The following KNG1 variants were observed in gnomAD, a reference collection of about 807,000 sequenced individuals.
KNG1 encodes kininogen 1, also known as kininogen-1.
Under a neutral mutation model 47.8 loss-of-function variants are expected in KNG1, and 23 were observed. The ratio of observed to expected loss-of-function variants is 0.48; its 90% CI spans 0.35 to 0.68. The LOEUF is 0.68. Ranked by LOEUF, KNG1 falls within the 30% of genes least tolerant of loss-of-function variation. The pLI is 0.01. For synonymous variants in KNG1, 277 were observed against 277.0 expected, an observed-to-expected ratio of 1.00 and a Z score of 0.00; for missense variants, 762 against 790.2, an observed-to-expected ratio of 0.96 and a Z score of 0.43.
At position 186,744,352 on chromosome 3, in the gene KNG1, T is replaced by A. The variant is rs1390823633; in HGVS notation, c.*2021T>A. The A allele has an allele frequency of 6.5e-6, 1 of 153,776 alleles. No homozygotes were observed. The highest frequency in any genetic ancestry group is 2.4e-5 in the African/African-American group (1 of 41,472). The allele number at this position is 153,776 out of a possible 1,614,324, so 9.5% of individuals were successfully genotyped here. ...TCAACCTCCAAACAATTTGAAATTA[T>A]CTTTCTGATCCAGGTAAAGAAGCAA... On this transcript the variant is annotated 3_prime_UTR_variant, in exon 10 of 10. Coordinates refer to ENST00000644859, the MANE Select transcript of KNG1 (RefSeq NM_001102416.3).
chr3:186,741,052 G>A (rs1431017503), intron 9 of KNG1, among the ~76,000 whole-genome samples: 1 of 151,618 alleles, frequency 6.6e-6, no homozygotes, highest in Admixed American at 6.6e-5. Context: ...GGAGTGCAGT[G>A]GCGCCATCTC....
chr3:186,736,505 A>T (rs5030063), intron 7 of KNG1: 7,969 of 152,196 alleles, frequency 0.052, 301 homozygotes, highest in South Asian at 0.14. Flanking sequence ...CACATTAGTG[A>T]TTACAGTTTC....
rs551857394 is a variant in KNG1 at position 186,725,964 on chromosome 3, G to A, written c.564+704G>A. On this transcript the variant is annotated intron_variant, in intron 4 of 9. Transcript: ENST00000644859. ...GTAATTTTTTTTTTTTGACAGTCTCGCTCTGTTGCCTAGGCTGGAGCAGTG... is the reference window on the plus strand; with the variant it reads ...GTAATTTTTTTTTTTTGACAGTCTCACTCTGTTGCCTAGGCTGGAGCAGTG... Among the ~76,000 whole-genome samples the A allele has an allele frequency of 2.0e-4, 28 of 142,526 alleles. 1 individual carries two copies. The South Asian group carries it at 5.6e-3, about 28-fold the overall frequency. The allele number at this position is 142,526 out of a possible 152,430, so 93.5% of individuals were successfully genotyped here. A position where few individuals can be genotyped will look rare whatever the true frequency, so the allele number is the denominator to read the frequency against.
At chr3:186,738,435 C>T (rs185922928) in intron 7 of KNG1, 2 of 152,344 alleles carry the variant, frequency 1.3e-5, no homozygotes, top group African/African-American at 2.4e-5. Context: ...TATTTAAAAA[C>T]ATTTTAAGTT....
intron 5 of KNG1, among the ~76,000 whole-genome samples, chr3:186,731,164 C>T (rs1477160485): frequency 6.6e-6 from 1 of 152,050 alleles, no homozygotes; most frequent in African/African-American, 2.4e-5. Flanking sequence ...TAGCTTTGTT[C>T]ATCTGTTATT....
chr3:186,725,543 A>ATGTTTTTTTTTTTTTTTTTTT (rs1720336708), intron 4 of KNG1, among the ~76,000 whole-genome samples: 1 of 87,726 alleles, frequency 1.1e-5, no homozygotes, highest in African/African-American at 4.7e-5. Context: ...CGGCCTTAGG[A>ATGTTTTTTTTTTTTTTTTTTT]TTTTTTTTTT....
intron 9 of KNG1, among the ~76,000 whole-genome samples, 193 bp downstream of exon 9, chr3:186,739,607 C>T (rs2108636223): frequency 6.6e-6 from 1 of 152,344 alleles, no homozygotes; most frequent in Admixed American, 6.5e-5. Flanking sequence ...CTGATCACTT[C>T]TCACACATTG....
rs543868086 is a variant in KNG1, at chr3:186,737,161, G to A, written c.931-1938G>A. Reference sequence around the variant, plus strand: ...CCAATGCCACGTATCATCAATTTTTGTTTTCATCTTTGCCTGCATGGAAGG... The same window carrying A: ...CCAATGCCACGTATCATCAATTTTTATTTTCATCTTTGCCTGCATGGAAGG... On this transcript the variant is annotated intron_variant, in intron 7 of 9. Coordinates refer to ENST00000644859, the MANE Select transcript of KNG1 (RefSeq NM_001102416.3). Among the ~76,000 whole-genome samples, 14 of 152,300 alleles carry A rather than the reference G, an allele frequency of 9.2e-5. No individual in the cohort carries two copies. The South Asian group carries it at 2.9e-3, about 32-fold the overall frequency.
At chr3:186,726,404 C>T (rs5030020) in intron 4 of KNG1, among the ~76,000 whole-genome samples, 28,763 of 151,512 alleles carry the variant, frequency 0.19, 2,895 homozygotes, top group South Asian at 0.32. Flanking sequence ...GATCTCCTGC[C>T]TCAGTATCCC....
chr3:186,735,991 T>C (rs1199710959), intron 7 of KNG1: 1 of 152,226 alleles, frequency 6.6e-6, no homozygotes, highest in Non-Finnish European at 1.5e-5. Flanking sequence ...CCATGTATTG[T>C]ATGTCAGAGG....
At chr3:186,727,791 C>T (rs1375932591) in intron 5 of KNG1, among the ~76,000 whole-genome samples, 2 of 152,080 alleles carry the variant, frequency 1.3e-5, no homozygotes, top group African/African-American at 2.4e-5. Flanking sequence ...AGAGTGGTCT[C>T]GAACTCCTGA....
chr3:186,739,077 T>G, intron 7 of KNG1, 22 bp from the exon 8 acceptor site: 1 of 1,548,516 alleles, frequency 6.5e-7, no homozygotes, highest in South Asian at 1.1e-5. Flanking sequence ...AAGCGTTTAC[T>G]TTGTACTAAT....
chr3:186,743,017 A>G lies in KNG1; in HGVS notation c.*686A>G. ...TGACTTTCTATTCCCAAAATGGGCT[A>G]GTTATATCAAATAAATACTCCCACT... is the stretch of plus-strand genomic sequence containing the variant. On this transcript the variant is annotated 3_prime_UTR_variant, in exon 10 of 10. Transcript: ENST00000644859. 1.1e-6 allele frequency: 1 copy of G among 904,648 alleles called. No individual in the cohort carries two copies. Among genetic ancestry groups the G allele is most frequent in the African/African-American group, 1.8e-5 (1 of 55,866 alleles). The allele number at this position is 904,648 out of a possible 1,614,324, so 56.0% of individuals were successfully genotyped here. A position where few individuals can be genotyped will look rare whatever the true frequency, so the allele number is the denominator to read the frequency against.
At chr3:186,725,291 T>C (rs1196249891) in intron 4 of KNG1, 31 bp downstream of exon 4, 3 of 1,598,964 alleles carry the variant, frequency 1.9e-6, no homozygotes, top group Non-Finnish European at 2.6e-6. Context: ...AGTAGCACAG[T>C]ATTACTAAAA....
At chr3:186,722,184 C>A (rs2108620164) in intron 2 of KNG1, 11 of 378,828 alleles carry the variant, frequency 2.9e-5, no homozygotes, top group South Asian at 9.7e-5. Flanking sequence ...GGGCTCAAAA[C>A]AAAGACTCAA....
chr3:186,743,886 G>C lies in KNG1; in HGVS notation c.*1555G>C. ...AGAAAGATGGGATAGAATTTAAATAGAGAAGAATGCCATTTTATCACTCTG... is the reference window on the plus strand; with the variant it reads ...AGAAAGATGGGATAGAATTTAAATACAGAAGAATGCCATTTTATCACTCTG... On this transcript the variant is annotated 3_prime_UTR_variant, in exon 10 of 10. Transcript: ENST00000644859. 1 of 839,030 alleles carries C rather than the reference G, an allele frequency of 1.2e-6. No homozygotes were observed. The highest frequency in any genetic ancestry group is 1.4e-5 in the South Asian group (1 of 72,300). 52.0% of individuals were successfully genotyped at this position (839,030 alleles called of 1,614,324 possible). A position where few individuals can be genotyped will look rare whatever the true frequency, so the allele number is the denominator to read the frequency against.
rs561261299 is a variant in KNG1, at chr3:186,728,072, T to C, written c.672+728T>C. Among the ~76,000 whole-genome samples, 26 of 152,340 alleles carry C rather than the reference T, an allele frequency of 1.7e-4. 1 individual carries two copies. The highest frequency in any genetic ancestry group is 1.6e-3 in the Admixed American group (25 of 15,300). ...TCTCTGTTTGTTTTCTCATCTTCCC[T>C]TCCCTACCTTTATCTTTAATAAACA... On this transcript the variant is annotated intron_variant, in intron 5 of 9. Coordinates refer to ENST00000644859, the MANE Select transcript of KNG1 (RefSeq NM_001102416.3).
chr3:186,736,690 T>C (rs531125543), intron 7 of KNG1: 1 of 152,340 alleles, frequency 6.6e-6, no homozygotes, highest in South Asian at 2.1e-4. Context: ...TAAGACTTGA[T>C]GCAAATTGCC....
chr3:186,722,950 G>T (rs955444647), intron 3 of KNG1, among the ~76,000 whole-genome samples: 1 of 152,084 alleles, frequency 6.6e-6, no homozygotes, highest in African/African-American at 2.4e-5. Flanking sequence ...CAGGACTGTT[G>T]TGAGGCTGAA....
Sources: allele counts gnomAD v4.1 joint callset (sites outside exome capture counted in the v4.1 genomes callset), GRCh38; gene constraint gnomAD v4.1.1; transcripts MANE v1.5; gene names NCBI Gene and HGNC (gene_info 2026-07-23, HGNC 2026-07-21).